Variants in EXOC6 observed in about 807,000 individuals in gnomAD.
The protein encoded by EXOC6 is SEC15-like 1.
A neutral mutation model predicts 112.5 loss-of-function variants in EXOC6; 60 were observed. The ratio of observed to expected loss-of-function variants is 0.53; its 90% CI spans 0.43 to 0.66. The LOEUF (loss-of-function observed/expected upper bound fraction) is 0.66, where lower values mean the gene tolerates loss of function less well. Ranked by LOEUF, EXOC6 falls within the 30% of genes least tolerant of loss-of-function variation. The pLI is 0.00. For synonymous variants in EXOC6, 295 were observed against 308.0 expected, an observed-to-expected ratio of 0.96 and a Z score of 0.44; for missense variants, 855 against 957.1, an observed-to-expected ratio of 0.89 and a Z score of 1.41.
intron 17 of EXOC6, among the ~76,000 whole-genome samples, chr10:92,956,619 T>C (rs577009763): frequency 3.3e-5 from 5 of 152,270 alleles, no homozygotes; most frequent in African/African-American, 1.2e-4. Flanking sequence ...CCAAATATTA[T>C]GCTCCTCTGG....
At chr10:92,989,084 C>T (rs975067381) in intron 18 of EXOC6, among the ~76,000 whole-genome samples, 1 of 152,140 alleles carries the variant, frequency 6.6e-6, no homozygotes, top group African/African-American at 2.4e-5. Context: ...TGTAGACTTG[C>T]CTTCTTTTCC....
intron 1 of EXOC6, among the ~76,000 whole-genome samples, chr10:92,827,330 C>T (rs183609295): frequency 6.6e-6 from 1 of 151,730 alleles, no homozygotes; most frequent in Non-Finnish European, 1.5e-5. Context: ...AAAAACTAGC[C>T]AGGCATGGTG....
chr10:93,001,825 T>C (rs547932716), intron 19 of EXOC6, among the ~76,000 whole-genome samples: 70 of 152,196 alleles, frequency 4.6e-4, no homozygotes, highest in Non-Finnish European at 8.5e-4. Flanking sequence ...CTTACATGTC[T>C]CTAAATCTTC....
intron 17 of EXOC6, among the ~76,000 whole-genome samples, chr10:92,966,852 C>T (rs1467921267): frequency 4.8e-5 from 7 of 146,898 alleles, no homozygotes; most frequent in African/African-American, 5.1e-5. Context: ...TAGATCCCTG[C>T]GGAATCGCCA....
chr10:92,880,309 C>T (rs960156434), intron 1 of EXOC6, among the ~76,000 whole-genome samples: 1 of 152,074 alleles, frequency 6.6e-6, no homozygotes, highest in Non-Finnish European at 1.5e-5. Context: ...ATGGCAAGAA[C>T]AAAAGTCCAT....
At chr10:92,894,314 C>T (rs961588155) in intron 2 of EXOC6, among the ~76,000 whole-genome samples, 1 of 152,154 alleles carries the variant, frequency 6.6e-6, no homozygotes, top group African/African-American at 2.4e-5. Flanking sequence ...GCTTTGCCTG[C>T]ACCTGCAGCA....
rs1853468222 is a variant in EXOC6, at chr10:92,952,372, C to T, written c.1516C>T (p.Leu506=). 1 of 1,590,008 alleles carries T rather than the reference C, an allele frequency of 6.3e-7. No individual in the cohort carries two copies. Among genetic ancestry groups the T allele is most frequent in the Non-Finnish European group, 8.6e-7 (1 of 1,159,162 alleles). The change falls in exon 15 of 22, where the codon CTA becomes TTA. Residue 506 remains leucine (L), a synonymous_variant. Coordinates refer to ENST00000260762, the MANE Select transcript of EXOC6 (RefSeq NM_019053.6). The part of the protein sequence containing the change: ...IYASLKFSES[L]HRSSTEIDDM... ...TGCCAGCCTTAAATTTTCAGAGTCA[C>T]TACACCGGAGGTGAGTTTACTAATC...
At chr10:93,035,530 ACGTTTTACATAG>A in intron 20 of EXOC6, among the ~76,000 whole-genome samples, 1 of 152,190 alleles carries the variant, frequency 6.6e-6, no homozygotes, top group Non-Finnish European at 1.5e-5. Context: ...CCCAGTGCTA[ACGTTTTACATAG>A]CTATAGTATT....
At chr10:92,975,008 C>T (rs1842456043) in intron 18 of EXOC6, among the ~76,000 whole-genome samples, 2 of 152,116 alleles carry the variant, frequency 1.3e-5, no homozygotes, top group African/African-American at 4.8e-5. Flanking sequence ...AAGTGAGGAG[C>T]GTCTCTGCCT....
intron 5 of EXOC6, among the ~76,000 whole-genome samples, chr10:92,903,108 C>G (rs1324815378): frequency 6.6e-6 from 1 of 151,690 alleles, no homozygotes; most frequent in Non-Finnish European, 1.5e-5. Context: ...TTTTAAGAAA[C>G]CGTTAAATAC....
chr10:92,829,549 G>C (rs1435931963), intron 1 of EXOC6, among the ~76,000 whole-genome samples: 1 of 152,214 alleles, frequency 6.6e-6, no homozygotes, highest in African/African-American at 2.4e-5. Context: ...CTTGTCCCCA[G>C]TTTCCCAGAT....
At chr10:92,932,884 C>T (rs971904211) in intron 9 of EXOC6, among the ~76,000 whole-genome samples, 1 of 152,048 alleles carries the variant, frequency 6.6e-6, no homozygotes, top group African/African-American at 2.4e-5. Context: ...AAATACACAA[C>T]AGTAACATAA....
At chr10:92,888,690 A>G (rs948116498) in intron 1 of EXOC6, among the ~76,000 whole-genome samples, 1 of 152,222 alleles carries the variant, frequency 6.6e-6, no homozygotes, top group African/African-American at 2.4e-5. Context: ...TTTTAATAAA[A>G]TGTGTTAAAC....
At chr10:92,882,777 T>C (rs1849029719) in intron 1 of EXOC6, among the ~76,000 whole-genome samples, 2 of 152,192 alleles carry the variant, frequency 1.3e-5, no homozygotes, top group African/African-American at 4.8e-5. Flanking sequence ...GTTTCAAGTC[T>C]CACTTCAGAC....
chr10:93,020,811 T>C (rs1844748251), intron 20 of EXOC6, among the ~76,000 whole-genome samples: 1 of 151,952 alleles, frequency 6.6e-6, no homozygotes, highest in South Asian at 2.1e-4. Flanking sequence ...TGCTTTGACA[T>C]GCTGAACGGA....
At chr10:92,839,870 G>A (rs1789093525) in intron 1 of EXOC6, among the ~76,000 whole-genome samples, 1 of 152,104 alleles carries the variant, frequency 6.6e-6, no homozygotes, top group African/African-American at 2.4e-5. Flanking sequence ...GATGTCTAAA[G>A]AAGGCCCTGC....
chr10:93,029,451 C>A (rs1028660213), intron 20 of EXOC6, among the ~76,000 whole-genome samples: 1 of 152,060 alleles, frequency 6.6e-6, no homozygotes, highest in Non-Finnish European at 1.5e-5. Flanking sequence ...TGTGAATAAC[C>A]TGCCGAGATT....
At chr10:92,972,042 T>C (rs1842321287) in intron 17 of EXOC6, among the ~76,000 whole-genome samples, 1 of 152,246 alleles carries the variant, frequency 6.6e-6, no homozygotes, top group Non-Finnish European at 1.5e-5. Context: ...TTTGCTTGGT[T>C]AGCTTAGTGG....
intron 1 of EXOC6, among the ~76,000 whole-genome samples, chr10:92,887,390 ATTTTTTTTTTT>A (rs11304638): frequency 1.2e-5 from 1 of 83,772 alleles, no homozygotes; most frequent in Non-Finnish European, 2.2e-5. Flanking sequence ...GATTAATTTA[ATTTTTTTTTTT>A]TTTTTTTTTT....
Sources: allele counts gnomAD v4.1 joint callset (sites outside exome capture counted in the v4.1 genomes callset), GRCh38; gene constraint gnomAD v4.1.1; transcripts MANE v1.5; gene names NCBI Gene and HGNC (gene_info 2026-07-23, HGNC 2026-07-21).